Variants in ADCY1 observed in about 807,000 individuals in gnomAD.
ADCY1 encodes adenylate cyclase type 1.
In ADCY1, 28 loss-of-function variants were observed where a neutral mutation model predicts 105.4. That is an observed-to-expected ratio of 0.27 (90% CI 0.20 to 0.36). The LOEUF is 0.36. ADCY1 is among the 10% of genes least tolerant of loss of function. The pLI, the probability that ADCY1 is intolerant of heterozygous loss-of-function variation, is 1.00. For synonymous variants in ADCY1, 655 were observed against 623.8 expected (o/e 1.05, Z -0.75); for missense variants, 977 against 1,434.2 (o/e 0.68, Z 5.15).
rs1171138334 is a variant in ADCY1, at chr7:45,720,493, G to A, written c.*6498G>A. The A allele has an allele frequency of 6.6e-6, 1 of 150,512 alleles. No individual in the cohort carries two copies. Among genetic ancestry groups the A allele is most frequent in the Non-Finnish European group, 1.5e-5 (1 of 67,816 alleles). The allele number at this position is 150,512 out of a possible 1,614,324, so 9.3% of individuals were successfully genotyped here. Reference sequence around the variant, plus strand: ...ATTGCACCATTGCACTCCAGCCTGGGCGACAGAGCAAGACTCTCTCAAAAA... The same window carrying A: ...ATTGCACCATTGCACTCCAGCCTGGACGACAGAGCAAGACTCTCTCAAAAA... On this transcript the variant is annotated 3_prime_UTR_variant, in exon 20 of 20. Transcript: ENST00000297323.
rs1785458948 is a variant in ADCY1 at position 45,720,819 on chromosome 7, A to T, written c.*6824A>T. On this transcript the variant is annotated 3_prime_UTR_variant, in exon 20 of 20. Coordinates refer to ENST00000297323, the MANE Select transcript of ADCY1 (RefSeq NM_021116.4). ...CACTAGTATCTAAGTCGGGCTTTAC[A>T]GTAACTATGCACCTTCTGTGTGCTT... The T allele has an allele frequency of 6.6e-6, 1 of 152,336 alleles. No homozygotes were observed. Among genetic ancestry groups the T allele is most frequent in the Non-Finnish European group, 1.5e-5 (1 of 68,042 alleles). The allele number at this position is 152,336 out of a possible 1,614,324, so 9.4% of individuals were successfully genotyped here.
chr7:45,700,856 G>T (rs1222015145), intron 14 of ADCY1, among the ~76,000 whole-genome samples: 1 of 152,084 alleles, frequency 6.6e-6, no homozygotes, highest in Admixed American at 6.6e-5. Flanking sequence ...TGACTGTGGG[G>T]GTCACTCATA....
At chr7:45,611,533 A>G (rs982044623) in intron 3 of ADCY1, among the ~76,000 whole-genome samples, 5 of 151,598 alleles carry the variant, frequency 3.3e-5, no homozygotes, top group Non-Finnish European at 5.9e-5. Flanking sequence ...TACTCTGTTC[A>G]TTTCATGACA....
chr7:45,668,808 G>T (rs1784310868), intron 8 of ADCY1, among the ~76,000 whole-genome samples: 1 of 152,136 alleles, frequency 6.6e-6, no homozygotes, highest in African/African-American at 2.4e-5. Flanking sequence ...CAATTTCAGA[G>T]CCTGTTATTT....
At chr7:45,642,737 C>A (rs1207267137) in intron 4 of ADCY1, among the ~76,000 whole-genome samples, 1 of 152,156 alleles carries the variant, frequency 6.6e-6, no homozygotes, top group African/African-American at 2.4e-5. Flanking sequence ...CAGTGAGACC[C>A]GTCCATCAAT....
At chr7:45,698,612 G>A (rs1333480116) in intron 14 of ADCY1, among the ~76,000 whole-genome samples, 1 of 152,172 alleles carries the variant, frequency 6.6e-6, no homozygotes, top group East Asian at 1.9e-4. Context: ...TGAGCCGGGG[G>A]CCCTGGTGTT....
chr7:45,606,454 T>C (rs1294547476), intron 2 of ADCY1, among the ~76,000 whole-genome samples: 2 of 152,326 alleles, frequency 1.3e-5, no homozygotes, highest in East Asian at 3.9e-4. Flanking sequence ...TGTTGTGTTT[T>C]CCTTTGGTCT....
intron 4 of ADCY1, among the ~76,000 whole-genome samples, chr7:45,633,866 C>A (rs568042436): frequency 1.3e-5 from 2 of 150,164 alleles, no homozygotes; most frequent in Non-Finnish European, 3.0e-5. Flanking sequence ...TAGCAAAAAC[C>A]ACAATTACTT....
chr7:45,600,155 G>A (rs543875035), intron 2 of ADCY1, among the ~76,000 whole-genome samples: 1 of 152,236 alleles, frequency 6.6e-6, no homozygotes, highest in Non-Finnish European at 1.5e-5. Flanking sequence ...GATCTGCTGT[G>A]CTGTGGGCAT....
intron 5 of ADCY1, among the ~76,000 whole-genome samples, chr7:45,653,250 C>T (rs938510507): frequency 1.3e-5 from 2 of 152,078 alleles, no homozygotes; most frequent in African/African-American, 4.8e-5. Flanking sequence ...TTCAGTTTTC[C>T]CCCTCTGTAA....
chr7:45,667,744 A>G (rs1031693992), intron 8 of ADCY1, among the ~76,000 whole-genome samples: 9 of 152,244 alleles, frequency 5.9e-5, no homozygotes, highest in Middle Eastern at 3.4e-3. Flanking sequence ...TCATGATATT[A>G]ATTCTTCCTA....
rs1476104655 is a variant in ADCY1, at chr7:45,574,665, C to T, written c.122C>T (p.Ala41Val). ...CTCCGGGCGTGCGACGAGGAGTTCG[C>T]TTGCCCAGAGCTGGAGGCGCTGTTC... ...RGLRACDEEFACPELEALFRG... is the reference protein window; with the variant it reads ...RGLRACDEEFVCPELEALFRG... The change falls in exon 1 of 20, where the codon GCT (alanine) becomes GTT (valine). Residue 41 changes from alanine (A) to valine (V), a missense_variant. Physicochemically the swap from Ala to Val is moderately conservative, Grantham distance 64. This residue lies in a region of ADCY1 where 209 missense variants were observed against 222.5 expected (regional missense o/e 0.94). Coordinates refer to ENST00000297323, the MANE Select transcript of ADCY1 (RefSeq NM_021116.4). This position sits in a 1 kb window ranked among gnomAD's most constrained non-coding sequence, Gnocchi z 7.0. The T allele has an allele frequency of 5.2e-6, 7 of 1,343,236 alleles. No homozygotes were observed. The highest frequency in any genetic ancestry group is 6.7e-6 in the Non-Finnish European group (7 of 1,051,446). The allele number at this position is 1,343,236 out of a possible 1,614,324, so 83.2% of individuals were successfully genotyped here.
intron 4 of ADCY1, among the ~76,000 whole-genome samples, chr7:45,639,749 C>T (rs1794488953): frequency 6.6e-6 from 1 of 152,330 alleles, no homozygotes; most frequent in African/African-American, 2.4e-5. Context: ...ATGGTACAGG[C>T]GGGTCCCTGA....
At chr7:45,607,957 A>G (rs1004252491) in intron 2 of ADCY1, among the ~76,000 whole-genome samples, 4 of 152,242 alleles carry the variant, frequency 2.6e-5, no homozygotes, top group Admixed American at 2.0e-4. Context: ...ATATGTACCC[A>G]GTAATGGGAT....
chr7:45,575,775 A>G lies in ADCY1; in HGVS notation c.639+593A>G, dbSNP rs1281681729. 3.9e-5 allele frequency among the ~76,000 whole-genome samples: 6 copies of G among 152,246 alleles called. No individual in the cohort carries two copies. In the East Asian group the frequency reaches 1.2e-3, roughly 29 times the overall value. ...AGTGGGGTTTGCCAAGGTCAAACACAGTCTAGTCCCTGCCGCTGCCACTCG... is the reference window on the plus strand; with the variant it reads ...AGTGGGGTTTGCCAAGGTCAAACACGGTCTAGTCCCTGCCGCTGCCACTCG... On this transcript the variant is annotated intron_variant, in intron 1 of 19. Transcript: ENST00000297323. The surrounding 1 kb of genome is among the most constrained non-coding windows in gnomAD (Gnocchi z 4.7).
intron 4 of ADCY1, among the ~76,000 whole-genome samples, chr7:45,631,867 A>G (rs889964859): frequency 7.2e-5 from 11 of 152,252 alleles, no homozygotes; most frequent in African/African-American, 2.7e-4. Context: ...CCTACAAAAA[A>G]TAAAGTAAAA....
chr7:45,592,106 G>A (rs965232484), intron 1 of ADCY1, among the ~76,000 whole-genome samples: 11 of 148,372 alleles, frequency 7.4e-5, no homozygotes, highest in African/African-American at 2.8e-4. Context: ...AGGAGTTTGT[G>A]CAGGCTTTGT....
intron 14 of ADCY1, among the ~76,000 whole-genome samples, chr7:45,687,519 T>C (rs1239564017): frequency 6.6e-6 from 1 of 152,196 alleles, no homozygotes; most frequent in Non-Finnish European, 1.5e-5. Flanking sequence ...ATCCCATTTG[T>C]GGAATTTGCA....
chr7:45,631,815 C>G (rs1394761313), intron 4 of ADCY1, among the ~76,000 whole-genome samples: 1 of 152,216 alleles, frequency 6.6e-6, no homozygotes, highest in Non-Finnish European at 1.5e-5. Context: ...GCCTGCATAT[C>G]TCTGCATCTC....
Sources: allele counts gnomAD v4.1 joint callset (sites outside exome capture counted in the v4.1 genomes callset), GRCh38; gene constraint gnomAD v4.1.1; regional missense constraint gnomAD v4.1.1; non-coding constraint Gnocchi (gnomAD v3.1); transcripts MANE v1.5; gene names NCBI Gene and HGNC (gene_info 2026-07-23, HGNC 2026-07-21).